MESD: variants seen among roughly 807,000 people sequenced by gnomAD.
The protein encoded by MESD is LRP chaperone MESD.
In MESD, 7 loss-of-function variants were observed where a neutral mutation model predicts 12.9. That is an observed-to-expected ratio of 0.54 (90% CI 0.31 to 1.02). The LOEUF (loss-of-function observed/expected upper bound fraction) is 1.02. Among genes scored for constraint, MESD ranks in the 50% least tolerant of loss-of-function variants. MESD has a pLI of 0.05. For missense variants in MESD, 342 were observed against 296.7 expected (o/e 1.15, Z -1.12); for synonymous variants, 126 against 115.6 (o/e 1.09, Z -0.58).
intron 3 of MESD, among the ~76,000 whole-genome samples, chr15:80,962,955 GCTAGCAGAAAAC>G (rs1194381344): frequency 1.3e-5 from 2 of 152,114 alleles, no homozygotes; most frequent in Admixed American, 1.3e-4. Flanking sequence ...ACATTCAAAA[GCTAGCAGAAAAC>G]AAGAAATAAC....
At chr15:80,955,502 A>AAAAAAAAAG (rs1483500188) in intron 3 of MESD, among the ~76,000 whole-genome samples, 2 of 143,344 alleles carry the variant, frequency 1.4e-5, no homozygotes, top group African/African-American at 5.9e-5. Context: ...AAAAAAAAAA[A>AAAAAAAAAG]AAAGAAATGC....
chr15:80,969,405 C>T (rs1397785053), intron 3 of MESD, among the ~76,000 whole-genome samples: 1 of 152,040 alleles, frequency 6.6e-6, no homozygotes, highest in Admixed American at 6.6e-5. Context: ...GCACACTTCC[C>T]GAAACTTATT....
chr15:80,963,447 GAA>G (rs1312518023), intron 3 of MESD, among the ~76,000 whole-genome samples: 1 of 152,086 alleles, frequency 6.6e-6, no homozygotes, highest in Non-Finnish European at 1.5e-5. Flanking sequence ...CCAATCAATA[GAA>G]AAAGAGGGAA....
chr15:80,948,707 G>C lies in MESD; in HGVS notation c.*818C>G, dbSNP rs1399620893. On this transcript the variant is annotated 3_prime_UTR_variant, in exon 5 of 5. Transcript: ENST00000561312. ...TGGCTAGGCGGTACCTGGTGGGCGT[G>C]GGGGGCTGGCGATGGGGAGCCATGG... 6 of 1,564,542 alleles carry C rather than the reference G, an allele frequency of 3.8e-6. No individual in the cohort carries two copies. In the South Asian group the frequency reaches 5.6e-5, roughly 14 times the overall value.
chr15:80,958,018 T>G (rs1273980575), intron 3 of MESD, among the ~76,000 whole-genome samples: 1 of 152,172 alleles, frequency 6.6e-6, no homozygotes, highest in African/African-American at 2.4e-5. Context: ...CCCAGTCAAG[T>G]GGATACATAA....
Position 80,989,591 on chromosome 15 carries a change from C to G in MESD, c.201G>C (p.Leu67=). The G allele has an allele frequency of 6.2e-7, 1 of 1,613,414 alleles. No individual in the cohort carries two copies. The highest frequency in any genetic ancestry group is 8.5e-7 in the Non-Finnish European group (1 of 1,179,626). Residue 67 remains leucine, a synonymous_variant, in exon 1 of 3, where the codon CTG becomes CTC. Transcript: ENST00000261758. ...DYNDADMARL[L]EQWEKDDDIE... is the part of the protein sequence containing the mutation. ...GCGCGCCGCGGACCTCCCATTGCTC[C>G]AGAAGACGCGCCATGTCTGCATCAT...
At chr15:80,956,666 C>T (rs1355490658) in intron 3 of MESD, among the ~76,000 whole-genome samples, 1 of 152,136 alleles carries the variant, frequency 6.6e-6, no homozygotes, top group Non-Finnish European at 1.5e-5. Context: ...GAATTCGGTG[C>T]AAAGCCAAAA....
intron 3 of MESD, among the ~76,000 whole-genome samples, chr15:80,960,552 T>C (rs1255787075): frequency 6.6e-6 from 1 of 152,184 alleles, no homozygotes; most frequent in Non-Finnish European, 1.5e-5. Context: ...TTTTAAATAA[T>C]TATTTCTCCT....
intron 2 of MESD, among the ~76,000 whole-genome samples, chr15:80,980,235 T>C (rs1030514090): frequency 6.6e-6 from 1 of 152,218 alleles, no homozygotes. Context: ...TTTAAGCTAA[T>C]TGAAAATATT....
At chr15:80,961,941 G>A (rs566862882) in intron 3 of MESD, among the ~76,000 whole-genome samples, 11 of 152,258 alleles carry the variant, frequency 7.2e-5, no homozygotes, top group East Asian at 3.9e-4. Flanking sequence ...ATTAACGGGC[G>A]AAATAACCAG....
Position 80,979,155 on chromosome 15 carries a change from C to A in MESD, c.*64G>T. 3.2e-6 allele frequency: 5 copies of A among 1,560,490 alleles called. No homozygotes were observed. Among genetic ancestry groups the A allele is most frequent in the East Asian group, 2.2e-5 (1 of 44,542 alleles). ...CAGTTGCCTGAGACCACTCCCACCC[C>A]AGGAGCTGGGCAAAGAGCTCTCCAC... On this transcript the variant is annotated 3_prime_UTR_variant, in exon 3 of 3. Coordinates refer to ENST00000261758, the MANE Select transcript of MESD (RefSeq NM_015154.3).
At chr15:80,946,588 G>T, downstream of MESD, 1 of 252,566 alleles carries the variant, frequency 4.0e-6, no homozygotes, top group South Asian at 5.3e-5. Context: ...ACCTAACCAG[G>T]GTTGAGAACA....
intron 1 of MESD, among the ~76,000 whole-genome samples, chr15:80,989,287 A>C (rs1313132225): frequency 6.6e-6 from 1 of 152,196 alleles, no homozygotes; most frequent in Non-Finnish European, 1.5e-5. Flanking sequence ...TGAAGGGTGA[A>C]GGGAGAGCAA....
intron 4 of MESD, chr15:80,949,916 C>G (rs1901743986): frequency 6.6e-6 from 1 of 152,278 alleles, no homozygotes; most frequent in Non-Finnish European, 1.5e-5. Flanking sequence ...CCTGCTGAAG[C>G]TGGTGACTAC....
intron 3 of MESD, among the ~76,000 whole-genome samples, chr15:80,955,642 A>T (rs1234256333): frequency 1.4e-5 from 2 of 140,188 alleles, no homozygotes; most frequent in South Asian, 2.1e-4. Flanking sequence ...TGTGTGTGAG[A>T]GAGACAGAGT....
chr15:80,989,494 G>A (rs974309959), intron 1 of MESD, 85 bp downstream of exon 1: 30 of 1,448,758 alleles, frequency 2.1e-5, no homozygotes, highest in Non-Finnish European at 2.6e-5. Context: ...GGGTCAGAAA[G>A]GTCCCAAGAC....
chr15:80,982,846 T>C (rs1258011097), intron 1 of MESD, among the ~76,000 whole-genome samples: 1 of 152,078 alleles, frequency 6.6e-6, no homozygotes, highest in East Asian at 1.9e-4. Context: ...TTTGGGAGGC[T>C]GAGGTAAAAC....
intron 3 of MESD, among the ~76,000 whole-genome samples, chr15:80,965,122 A>T (rs562526717): frequency 5.3e-5 from 8 of 152,336 alleles, no homozygotes; most frequent in African/African-American, 1.9e-4. Context: ...AAAAACAAAC[A>T]ACACCATCAA....
exon 5 of MESD, chr15:80,947,722 A>T (rs542005931): frequency 6.5e-6 from 1 of 153,870 alleles, no homozygotes; most frequent in Admixed American, 6.4e-5. Flanking sequence ...AATGATAATG[A>T]TCATTGTGGT....
Sources: allele counts gnomAD v4.1 joint callset (sites outside exome capture counted in the v4.1 genomes callset), GRCh38; gene constraint gnomAD v4.1.1; transcripts MANE v1.5; gene names NCBI Gene and HGNC (gene_info 2026-07-23, HGNC 2026-07-21).